NTRK2: variants seen among roughly 807,000 people sequenced by gnomAD.
NTRK2 encodes BDNF/NT-3 growth factors receptor.
Under a neutral mutation model 94.5 loss-of-function variants are expected in NTRK2, and 13 were observed. The observed-to-expected ratio is 0.14, with a 90% CI of 0.09 to 0.22. The LOEUF (loss-of-function observed/expected upper bound fraction) is 0.22. Among genes scored for constraint, NTRK2 ranks in the 10% least tolerant of loss-of-function variants. NTRK2 has a pLI of 1.00. For synonymous variants in NTRK2, 372 were observed against 407.4 expected, an observed-to-expected ratio of 0.91 and a Z score of 1.05; for missense variants, 639 against 1,071.2, an observed-to-expected ratio of 0.60 and a Z score of 5.63.
chr9:85,023,967 C>T lies in NTRK2; in HGVS notation c.*2530C>T, dbSNP rs925084957. 4.4e-6 allele frequency: 1 copy of T among 229,178 alleles called. No homozygotes were observed. The highest frequency in any genetic ancestry group is 2.2e-5 in the African/African-American group (1 of 44,996). The allele number at this position is 229,178 out of a possible 1,614,324, so 14.2% of individuals were successfully genotyped here. A position where few individuals can be genotyped will look rare whatever the true frequency, so the allele number is the denominator to read the frequency against. Reference sequence around the variant, plus strand: ...TTTAAGGCAAATGAGACTTTGGGAGCATCCCATTCCAGTTTTGTCTTTTTT... The same window carrying T: ...TTTAAGGCAAATGAGACTTTGGGAGTATCCCATTCCAGTTTTGTCTTTTTT... On this transcript the variant is annotated 3_prime_UTR_variant, in exon 19 of 19. Coordinates refer to ENST00000277120, the MANE Select transcript of NTRK2 (RefSeq NM_006180.6).
chr9:84,820,314 C>T (rs1343564248), intron 12 of NTRK2, among the ~76,000 whole-genome samples: 6 of 151,984 alleles, frequency 3.9e-5, no homozygotes, highest in East Asian at 3.9e-4. Context: ...GGACTACAGG[C>T]GTGCACCACC....
intron 6 of NTRK2, among the ~76,000 whole-genome samples, chr9:84,712,448 G>A (rs2061472437): frequency 6.6e-6 from 1 of 152,148 alleles, no homozygotes; most frequent in Non-Finnish European, 1.5e-5. Flanking sequence ...GTGAGGTTTT[G>A]AATCTACTGT....
intron 12 of NTRK2, among the ~76,000 whole-genome samples, chr9:84,761,749 T>A (rs972113858): frequency 3.3e-5 from 5 of 152,208 alleles, no homozygotes; most frequent in Non-Finnish European, 5.9e-5. Context: ...TGTGCGGTCA[T>A]CTCCAGAAAA....
chr9:85,004,053 G>GAAAGAA (rs1316613240), intron 17 of NTRK2, among the ~76,000 whole-genome samples: 438 of 64,178 alleles, frequency 6.8e-3, no homozygotes, highest in Middle Eastern at 0.019. Flanking sequence ...AAGGGAGAAA[G>GAAAGAA]AGAAAGAAAG....
rs574928450 is a variant in NTRK2 at position 84,767,737 on chromosome 9, C to A, written c.1396+15652C>A. ...ATATTTCCCCATACTACGTCTCTCT[C>A]TCCTCTGGTCCTGCATGTTGTGAAA... On this transcript the variant is annotated intron_variant, in intron 12 of 18. Coordinates refer to ENST00000277120, the MANE Select transcript of NTRK2 (RefSeq NM_006180.6). 5.3e-5 allele frequency among the ~76,000 whole-genome samples: 8 copies of A among 152,322 alleles called. No homozygotes were observed. The South Asian group carries it at 1.7e-3, about 32-fold the overall frequency.
intron 12 of NTRK2, among the ~76,000 whole-genome samples, chr9:84,840,247 C>CCACAATCAT (rs1181021938): frequency 6.6e-6 from 1 of 150,522 alleles, no homozygotes; most frequent in Non-Finnish European, 1.5e-5. Context: ...CATTCCAGGA[C>CCACAATCAT]CACAATCATT....
At chr9:84,849,278 T>G (rs1809504913) in intron 12 of NTRK2, among the ~76,000 whole-genome samples, 1 of 152,198 alleles carries the variant, frequency 6.6e-6, no homozygotes, top group African/African-American at 2.4e-5. Context: ...TAGTTCACTG[T>G]GGCAGGATGA....
chr9:85,011,492 G>A (rs997054718), intron 17 of NTRK2, among the ~76,000 whole-genome samples: 1 of 152,138 alleles, frequency 6.6e-6, no homozygotes, highest in African/African-American at 2.4e-5. Flanking sequence ...GTGGGTCCCG[G>A]ATCCGATAAG....
At chr9:84,806,903 G>A (rs564565031) in intron 12 of NTRK2, among the ~76,000 whole-genome samples, 186 of 152,338 alleles carry the variant, frequency 1.2e-3, no homozygotes, top group African/African-American at 4.1e-3. Flanking sequence ...ACATTTTCCA[G>A]AAGACTTAAA....
intron 6 of NTRK2, 92 bp from the exon 7 acceptor site, chr9:84,723,481 T>C: frequency 6.9e-7 from 1 of 1,439,714 alleles, no homozygotes; most frequent in Non-Finnish European, 9.7e-7. Context: ...GATTGATTTT[T>C]AAAGCATAAA....
chr9:84,779,084 A>G (rs540253733), intron 12 of NTRK2, among the ~76,000 whole-genome samples: 2 of 152,300 alleles, frequency 1.3e-5, no homozygotes, highest in South Asian at 4.1e-4. Flanking sequence ...GGCTTCAATT[A>G]CTTATTTATC....
At chr9:84,674,501 A>G (rs189050279) in intron 2 of NTRK2, among the ~76,000 whole-genome samples, 1 of 152,292 alleles carries the variant, frequency 6.6e-6, no homozygotes, top group South Asian at 2.1e-4. Context: ...ATTCACAAAG[A>G]TTCAGTGAAA....
At chr9:84,724,157 C>A (rs1443252892) in intron 7 of NTRK2, 67 bp from the exon 8 acceptor site, 1 of 1,568,586 alleles carries the variant, frequency 6.4e-7, no homozygotes, top group Non-Finnish European at 8.8e-7. Context: ...GGGGAAGAAA[C>A]CCCAAATCTT....
rs938393256 is a variant in NTRK2 at position 84,964,551 on chromosome 9, C to A, written c.2172+9034C>A. Among the ~76,000 whole-genome samples, 51 of 152,186 alleles carry A rather than the reference C, an allele frequency of 3.4e-4. 1 individual carries two copies. Among genetic ancestry groups the A allele is most frequent in the Non-Finnish European group, 6.6e-4 (45 of 68,038 alleles). On this transcript the variant is annotated intron_variant, in intron 17 of 18. Coordinates refer to ENST00000277120, the MANE Select transcript of NTRK2 (RefSeq NM_006180.6). ...GCATCCTCTGCAGATCTTCAGAGTT[C>A]TTTCTACGTGCAGCTCTCTCTTCTC...
At chr9:84,765,939 T>C (rs1050056030) in intron 12 of NTRK2, among the ~76,000 whole-genome samples, 2 of 152,162 alleles carry the variant, frequency 1.3e-5, no homozygotes, top group African/African-American at 4.8e-5. Flanking sequence ...GTTTAAACAA[T>C]TTCATTTCAA....
At chr9:84,736,364 G>A (rs1010403105) in intron 9 of NTRK2, among the ~76,000 whole-genome samples, 7 of 152,142 alleles carry the variant, frequency 4.6e-5, no homozygotes, top group South Asian at 2.1e-4. Flanking sequence ...TTCTCCTTCC[G>A]TGCTGTTTTA....
At chr9:84,723,141 A>G (rs2062188755) in intron 6 of NTRK2, among the ~76,000 whole-genome samples, 1 of 152,216 alleles carries the variant, frequency 6.6e-6, no homozygotes, top group South Asian at 2.1e-4. Flanking sequence ...AAATAGGTGC[A>G]TCTCACCCTT....
At chr9:84,748,846 A>C (rs544354290) in intron 11 of NTRK2, among the ~76,000 whole-genome samples, 5 of 152,228 alleles carry the variant, frequency 3.3e-5, no homozygotes, top group Non-Finnish European at 7.3e-5. Context: ...CAAAGTCATG[A>C]GGTCAGCTTG....
At chr9:84,897,965 C>T (rs889948652) in intron 14 of NTRK2, among the ~76,000 whole-genome samples, 1 of 152,090 alleles carries the variant, frequency 6.6e-6, no homozygotes, top group Non-Finnish European at 1.5e-5. Context: ...GCCAGGCCCA[C>T]TGATTTGCAC....
Sources: gnomAD v4.1 joint callset for allele counts (sites outside exome capture counted in the v4.1 genomes callset) on GRCh38, gnomAD v4.1.1 for gene constraint, MANE v1.5 for transcripts, NCBI Gene and HGNC (gene_info 2026-07-23, HGNC 2026-07-21) for gene names.